The following PUDP variants were observed in gnomAD, a reference collection of about 807,000 sequenced individuals.
The protein encoded by PUDP is pseudouridine-5'-phosphatase.
In PUDP, 8 loss-of-function variants were observed where a neutral mutation model predicts 9.4. The observed-to-expected ratio is 0.85, with a 90% CI of 0.50 to 1.53. The LOEUF is 1.53. Ranked by LOEUF, PUDP falls within the 40% of genes most tolerant of loss-of-function variation. The probability of loss-of-function intolerance (pLI) is 0.00; values close to 1 mark genes in which losing one functional copy is unlikely to be tolerated. For synonymous variants in PUDP, 99 were observed against 80.7 expected (o/e 1.23, Z -1.22); for missense variants, 188 against 189.7 (o/e 0.99, Z 0.05).
rs55825659 is a variant in PUDP, at chrX:6,987,278, G to A, written c.205-8935C>T. On this transcript the variant is annotated intron_variant and NMD_transcript_variant, in intron 1 of 3. Coordinates refer to the PUDP transcript ENST00000655425. ...TAGGTTAGAAATATCTGTGCCCTAA[G>A]AATAATGGGCATCTATGTTCCTCCA... Among the ~76,000 whole-genome samples the A allele has an allele frequency of 2.7e-5, 3 of 112,034 alleles. No individual in the cohort carries two copies. The East Asian group carries it at 8.4e-4, about 31-fold the overall frequency.
At position 6,767,712 on chromosome X, in the gene PUDP, C is replaced by T. The variant is rs748396425; in HGVS notation, c.*248-61246G>A. Among the ~76,000 whole-genome samples the T allele has an allele frequency of 7.9e-4, 88 of 112,080 alleles. 1 individual carries two copies. The highest frequency in any genetic ancestry group is 2.8e-3 in the African/African-American group (87 of 30,888). On this transcript the variant is annotated intron_variant and NMD_transcript_variant, in intron 3 of 3. Transcript: ENST00000655425. ...TTCTTTTTCATAATGGAGTGGGCTC[C>T]TTGGAGAATGAGGAATGGGATTCGA...
At chrX:6,806,307 C>T (rs1302486755) in intron 3 of PUDP, among the ~76,000 whole-genome samples, 1 of 110,788 alleles carries the variant, frequency 9.0e-6, no homozygotes, top group Admixed American at 9.6e-5. Context: ...AGAGTAGACT[C>T]GGTGAAATTT....
chrX:6,781,933 G>A (rs1925569450), intron 3 of PUDP, among the ~76,000 whole-genome samples: 2 of 112,357 alleles, frequency 1.8e-5, no homozygotes, highest in Non-Finnish European at 3.8e-5. Flanking sequence ...GGTCATACCT[G>A]ACACAGTGTT....
chrX:7,095,151 C>T (rs749829562), intron 2 of PUDP, among the ~76,000 whole-genome samples: 5 of 112,326 alleles, frequency 4.5e-5, no homozygotes, highest in African/African-American at 6.5e-5. Flanking sequence ...AGAAGGTCAC[C>T]GCCACATCAT....
intron 1 of PUDP, among the ~76,000 whole-genome samples, chrX:7,139,696 C>T (rs1932777730): frequency 8.9e-6 from 1 of 112,058 alleles, no homozygotes; most frequent in Admixed American, 9.4e-5. Context: ...TTGGTTTGCT[C>T]CTTGCTCTGT....
intron 3 of PUDP, among the ~76,000 whole-genome samples, chrX:7,076,088 G>C (rs930939226): frequency 1.8e-5 from 2 of 111,591 alleles, no homozygotes; most frequent in African/African-American, 6.5e-5. Flanking sequence ...ACAGGTTCCG[G>C]CTGCCTCTAT....
intron 3 of PUDP, among the ~76,000 whole-genome samples, chrX:6,882,969 C>T (rs973088383): frequency 5.5e-4 from 61 of 111,550 alleles, no homozygotes; most frequent in African/African-American, 1.9e-3. Context: ...TAGGATAGGG[C>T]TGGCTCTGCC....
chrX:7,004,128 G>C (rs1167144116), intron 1 of PUDP, among the ~76,000 whole-genome samples: 4 of 111,430 alleles, frequency 3.6e-5, no homozygotes, highest in African/African-American at 1.3e-4. Context: ...CACCCGCCTT[G>C]GCTTCCCAAA....
chrX:7,032,093 A>G (rs1412042534), intron 1 of PUDP, among the ~76,000 whole-genome samples: 1 of 112,508 alleles, frequency 8.9e-6, no homozygotes, highest in Non-Finnish European at 1.9e-5. Flanking sequence ...TGAGCAAATT[A>G]TTTGGACAAA....
chrX:7,126,989 A>G (rs1932502060), intron 1 of PUDP, among the ~76,000 whole-genome samples: 1 of 111,904 alleles, frequency 8.9e-6, no homozygotes, highest in South Asian at 3.7e-4. Context: ...CTCAGATTTT[A>G]TGTATCTAAT....
chrX:6,822,692 T>G (rs1255323485), intron 3 of PUDP, among the ~76,000 whole-genome samples: 2 of 50,488 alleles, frequency 4.0e-5, no homozygotes, highest in South Asian at 8.0e-4. Flanking sequence ...CCCAAAGTGT[T>G]TTTTTTTTTT....
chrX:6,870,456 A>T (rs1927158049), intron 3 of PUDP, among the ~76,000 whole-genome samples: 1 of 111,433 alleles, frequency 9.0e-6, no homozygotes, highest in African/African-American at 3.3e-5. Context: ...CCCCAGTACA[A>T]GCTCTCTTCT....
intron 1 of PUDP, among the ~76,000 whole-genome samples, chrX:6,990,595 A>G (rs1569136166): frequency 8.9e-6 from 1 of 111,962 alleles, no homozygotes; most frequent in Non-Finnish European, 1.9e-5. Context: ...ACTGCCTCCA[A>G]TGTCTCCAGC....
chrX:6,708,800 A>T (rs1294911095), intron 1 of PUDP, among the ~76,000 whole-genome samples: 2 of 111,642 alleles, frequency 1.8e-5, no homozygotes, highest in African/African-American at 6.5e-5. Context: ...CGTTTCTCCG[A>T]GAAGAACTGT....
At chrX:7,125,623 G>T (rs1932464444) in intron 1 of PUDP, among the ~76,000 whole-genome samples, 1 of 111,771 alleles carries the variant, frequency 8.9e-6, no homozygotes, top group Non-Finnish European at 1.9e-5. Context: ...GTCATTTTCA[G>T]GCTGCTGATA....
chrX:7,136,123 A>G (rs1932735465), intron 1 of PUDP, among the ~76,000 whole-genome samples: 1 of 111,902 alleles, frequency 8.9e-6, no homozygotes, highest in African/African-American at 3.3e-5. Flanking sequence ...TCAAGGACCC[A>G]GTCCAGGTAC....
chrX:7,062,232 C>T, intron 3 of PUDP, among the ~76,000 whole-genome samples: 1 of 111,297 alleles, frequency 9.0e-6, no homozygotes, highest in Non-Finnish European at 1.9e-5. Flanking sequence ...CCCTGGAGTT[C>T]ATGGTCTCCA....
At position 6,820,458 on chromosome X, in the gene PUDP, T is replaced by C. The variant is rs1267299333; in HGVS notation, c.*248-113992A>G. On this transcript the variant is annotated intron_variant and NMD_transcript_variant, in intron 3 of 3. Coordinates refer to the PUDP transcript ENST00000655425. ...AAAGTCCACAGTCCAAAGTCTCATC[T>C]GAGACAAGGCAAGTCCTTTCTGCCT... is the stretch of plus-strand genomic sequence containing the variant. Among the ~76,000 whole-genome samples the C allele has an allele frequency of 8.0e-5, 9 of 111,885 alleles. 1 individual carries two copies. The highest frequency in any genetic ancestry group is 7.6e-4 in the Admixed American group (8 of 10,498).
chrX:6,713,914 C>T (rs992860570), intron 1 of PUDP, among the ~76,000 whole-genome samples: 3 of 110,775 alleles, frequency 2.7e-5, no homozygotes, highest in South Asian at 3.9e-4. Flanking sequence ...ATTATTACTA[C>T]GAAGAAAGGG....
Sources: allele counts gnomAD v4.1 joint callset (sites outside exome capture counted in the v4.1 genomes callset), GRCh38; gene constraint gnomAD v4.1.1; transcripts MANE v1.5; gene names NCBI Gene and HGNC (gene_info 2026-07-23, HGNC 2026-07-21).